Variants in CLVS1 observed in about 807,000 individuals in gnomAD.
CLVS1 encodes the protein clavesin 1, also known as clavesin-1.
A neutral mutation model predicts 33.1 loss-of-function variants in CLVS1; 10 were observed. The observed-to-expected ratio is 0.30, with a 90% CI of 0.19 to 0.51. The LOEUF (loss-of-function observed/expected upper bound fraction) is 0.51. CLVS1 is among the 20% of genes least tolerant of loss of function. The probability of loss-of-function intolerance (pLI) is 0.97; values close to 1 mark genes in which losing one functional copy is unlikely to be tolerated. For synonymous variants in CLVS1, 163 were observed against 166.1 expected, an observed-to-expected ratio of 0.98 and a Z score of 0.14; for missense variants, 343 against 433.4, an observed-to-expected ratio of 0.79 and a Z score of 1.85.
chr8:61,451,590 G>C (rs1816955735), intron 3 of CLVS1, among the ~76,000 whole-genome samples: 1 of 152,096 alleles, frequency 6.6e-6, no homozygotes, highest in Admixed American at 6.5e-5. Context: ...ATGATCTTGA[G>C]ATACATCTGC....
At chr8:61,300,833 C>T (rs1810402528) in intron 2 of CLVS1, 1 of 152,406 alleles carries the variant, frequency 6.6e-6, no homozygotes, top group African/African-American at 2.4e-5. Flanking sequence ...CTCTTTCATC[C>T]ACCTAGTCTC....
At position 61,490,670 on chromosome 8, in the gene CLVS1, A is replaced by C. The variant is rs1227941216; in HGVS notation, c.978-8785A>C. On this transcript the variant is annotated intron_variant, in intron 5 of 5. Coordinates refer to ENST00000325897, the MANE Select transcript of CLVS1 (RefSeq NM_173519.3). ...GAGATCCGTCTCAAAAAAAAAAAAA[A>C]AAGTAGGTAAATCGGCTTTGGCTCA... Among the ~76,000 whole-genome samples the C allele has an allele frequency of 2.0e-5, 3 of 146,592 alleles. No homozygotes were observed. In the East Asian group the frequency reaches 6.2e-4, roughly 30 times the overall value.
the CLVS1 span, among the ~76,000 whole-genome samples, chr8:60,974,778 C>CAAA: frequency 6.7e-5 from 7 of 105,024 alleles, no homozygotes; most frequent in East Asian, 1.9e-3. Flanking sequence ...GACTCCATCT[C>CAAA]AAAAAAAAAA....
chr8:61,200,139 A>T (rs1807697537), intron 2 of CLVS1, among the ~76,000 whole-genome samples: 1 of 152,168 alleles, frequency 6.6e-6, no homozygotes, highest in Non-Finnish European at 1.5e-5. Flanking sequence ...ATTTTTTGAG[A>T]TGGAGTTTCA....
At chr8:60,983,303 A>G in the CLVS1 span, among the ~76,000 whole-genome samples, 3 of 152,178 alleles carry the variant, frequency 2.0e-5, no homozygotes, top group African/African-American at 4.8e-5. Flanking sequence ...TTGGATCTCA[A>G]TATTATTTAT....
intron 5 of CLVS1, among the ~76,000 whole-genome samples, chr8:61,488,660 C>G (rs1803961137): frequency 6.6e-6 from 1 of 152,138 alleles, no homozygotes; most frequent in African/African-American, 2.4e-5. Context: ...TTTATTGTAT[C>G]TTTTATCTTT....
At position 61,149,551 on chromosome 8, in the gene CLVS1, C is replaced by CAAAAAAAAA. The variant is rs1166606940; in HGVS notation, c.-152+17700_-152+17708dup. 6.0e-3 allele frequency among the ~76,000 whole-genome samples: 310 copies of CAAAAAAAAA among 51,880 alleles called. 9 individuals are homozygous for CAAAAAAAAA. The highest frequency in any genetic ancestry group is 0.01 in the Non-Finnish European group (231 of 22,876). 34.0% of individuals were successfully genotyped at this position (51,880 alleles called of 152,430 possible). On this transcript the variant is annotated intron_variant, in intron 2 of 2. Transcript: ENST00000522621. ...TAGGCGACAGAACGAGACTCTGTCT[C>CAAAAAAAAA]AAAAAAAAAAAAAAAAACAAAAAAC...
chr8:61,117,926 G>A (rs1454371295), intron 1 of CLVS1, among the ~76,000 whole-genome samples: 1 of 152,046 alleles, frequency 6.6e-6, no homozygotes, highest in Non-Finnish European at 1.5e-5. Context: ...TCTATTGATT[G>A]GAATAGTTTC....
At chr8:61,146,519 A>G (rs993066996) in intron 2 of CLVS1, among the ~76,000 whole-genome samples, 3 of 152,228 alleles carry the variant, frequency 2.0e-5, no homozygotes, top group Non-Finnish European at 2.9e-5. Flanking sequence ...CTCTCATCAG[A>G]GAGGACTCAC....
At chr8:61,310,236 G>C (rs1331477096) in intron 2 of CLVS1, among the ~76,000 whole-genome samples, 5 of 152,198 alleles carry the variant, frequency 3.3e-5, no homozygotes, top group Admixed American at 1.3e-4. Flanking sequence ...AAACTGAAGA[G>C]AAGGACAGTT....
intron 1 of CLVS1, among the ~76,000 whole-genome samples, chr8:61,076,421 T>C (rs886972000): frequency 6.6e-6 from 1 of 152,212 alleles, no homozygotes; most frequent in African/African-American, 2.4e-5. Context: ...ACAGCACGTG[T>C]TAGCAAATGT....
At chr8:61,226,693 G>A (rs937678829) in intron 2 of CLVS1, among the ~76,000 whole-genome samples, 1 of 152,176 alleles carries the variant, frequency 6.6e-6, no homozygotes, top group Non-Finnish European at 1.5e-5. Context: ...AATGATTTAA[G>A]ATCAAAATCA....
chr8:60,969,953 G>A, the CLVS1 span, among the ~76,000 whole-genome samples: 5 of 152,248 alleles, frequency 3.3e-5, no homozygotes, highest in Non-Finnish European at 5.9e-5. Flanking sequence ...TATATAAGGG[G>A]CTTGAGCTTT....
chr8:61,123,956 G>A (rs1805926221), intron 1 of CLVS1, among the ~76,000 whole-genome samples: 1 of 152,104 alleles, frequency 6.6e-6, no homozygotes, highest in Non-Finnish European at 1.5e-5. Flanking sequence ...AGCAAGACAG[G>A]ACTTCAGTTT....
intron 1 of CLVS1, among the ~76,000 whole-genome samples, chr8:61,086,038 A>AAAC (rs1805120730): frequency 1.4e-4 from 1 of 7,124 alleles, no homozygotes; most frequent in Non-Finnish European, 2.7e-4. Flanking sequence ...TCCCTCTCAA[A>AAAC]AAAAAAAAAA....
chr8:61,070,019 C>T (rs1163507200), intron 1 of CLVS1, among the ~76,000 whole-genome samples: 1 of 152,126 alleles, frequency 6.6e-6, no homozygotes, highest in Non-Finnish European at 1.5e-5. Flanking sequence ...TCTCAAACTC[C>T]TGACTTCCTG....
chr8:61,243,672 T>A (rs1808743521), intron 2 of CLVS1, among the ~76,000 whole-genome samples: 1 of 152,192 alleles, frequency 6.6e-6, no homozygotes, highest in South Asian at 2.1e-4. Context: ...GTCTGTAGGA[T>A]CTGTAGTGAT....
intron 2 of CLVS1, among the ~76,000 whole-genome samples, chr8:61,184,286 T>C (rs1446062462): frequency 6.6e-6 from 1 of 152,166 alleles, no homozygotes; most frequent in Non-Finnish European, 1.5e-5. Context: ...GGTAAGAGGA[T>C]GGACATGAAG....
intron 2 of CLVS1, among the ~76,000 whole-genome samples, chr8:61,193,020 G>T (rs1157449738): frequency 1.3e-5 from 2 of 152,168 alleles, no homozygotes; most frequent in Non-Finnish European, 2.9e-5. Context: ...CTATTACTGG[G>T]TATATACCCG....
Sources: allele counts gnomAD v4.1 joint callset (sites outside exome capture counted in the v4.1 genomes callset), GRCh38; gene constraint gnomAD v4.1.1; transcripts MANE v1.5; gene names NCBI Gene and HGNC (gene_info 2026-07-23, HGNC 2026-07-21).